The following GRHL1 variants were observed in gnomAD, a reference collection of about 807,000 sequenced individuals.
The protein encoded by GRHL1 is grainyhead like transcription factor 1.
GRHL1 carries 38 observed loss-of-function variants against 75.7 expected under a neutral mutation model. The ratio of observed to expected loss-of-function variants is 0.50; its 90% CI spans 0.39 to 0.66. GRHL1 has a LOEUF of 0.66. Ranked by LOEUF, GRHL1 falls within the 30% of genes least tolerant of loss-of-function variation. GRHL1 has a pLI of 0.00. For missense variants in GRHL1, 589 were observed against 767.5 expected, an observed-to-expected ratio of 0.77 and a Z score of 2.75; for synonymous variants, 266 against 279.4, an observed-to-expected ratio of 0.95 and a Z score of 0.48.
At chr2:9,959,697 G>GT (rs1192690612) in intron 3 of GRHL1, 1 of 152,178 alleles carries the variant, frequency 6.6e-6, no homozygotes, top group African/African-American at 2.4e-5. Flanking sequence ...AGCCTCAACA[G>GT]TTATCAACAC....
In GRHL1 at chr2:9,981,637, G is replaced by C. The variant is rs183234608; in HGVS notation, c.1111-4487G>C. Reference sequence around the variant, plus strand: ...CCTACGGATGTGAAAATAATGTCGGGCCCTTTACAGAAAAATAGTCGCTTC... The same window carrying C: ...CCTACGGATGTGAAAATAATGTCGGCCCCTTTACAGAAAAATAGTCGCTTC... On this transcript the variant is annotated intron_variant, in intron 8 of 15. Transcript: ENST00000324907. 3.2e-4 allele frequency among the ~76,000 whole-genome samples: 48 copies of C among 152,300 alleles called. No homozygotes were observed. The East Asian group carries it at 8.1e-3, about 26-fold the overall frequency.
In GRHL1 at chr2:9,961,148, C is replaced by A. The variant is rs1667251035; in HGVS notation, c.381C>A (p.Gly127=). Residue 127 remains glycine, a synonymous_variant, in exon 4 of 16, where the codon GGC becomes GGA. Transcript: ENST00000324907. ...CATTTAACATTGTCCTTCCCCATGG[C>A]AACCAGCTGGGCATTGATAAGAGAG... ...NVPFNIVLPH[G]NQLGIDKRGH... 6.2e-7 allele frequency: 1 copy of A among 1,612,902 alleles called. No homozygotes were observed. Among genetic ancestry groups the A allele is most frequent in the African/African-American group, 1.3e-5 (1 of 75,016 alleles).
In GRHL1 at chr2:9,995,958, G is replaced by C; in HGVS notation, c.1579G>C (p.Glu527Gln). Residue 527 changes from glutamate (E) to glutamine (Q), a missense_variant, in exon 13 of 16, where the codon GAA becomes CAA. Coordinates refer to ENST00000324907, the MANE Select transcript of GRHL1 (RefSeq NM_198182.3). Reference sequence around the variant, plus strand: ...TTCTACCAAGCTGGCCCGGATAGAAGAACCAAAGAGAGGTGTGTTCGTTTC... The same window carrying C: ...TTCTACCAAGCTGGCCCGGATAGAACAACCAAAGAGAGGTGTGTTCGTTTC... ...PPSTKLARIE[E>Q]PKRVLLYVRK... is the part of the protein sequence containing the mutation. 6.3e-7 allele frequency: 1 copy of C among 1,597,252 alleles called. No individual in the cohort carries two copies. The highest frequency in any genetic ancestry group is 1.1e-5 in the South Asian group (1 of 90,712).
At chr2:10,000,263 G>A (rs1463065386) in intron 15 of GRHL1, among the ~76,000 whole-genome samples, 1 of 152,166 alleles carries the variant, frequency 6.6e-6, no homozygotes, top group Non-Finnish European at 1.5e-5. Context: ...TGGCATCACA[G>A]GTATGAGCCA....
At chr2:10,000,360 A>G (rs552274869) in intron 15 of GRHL1, among the ~76,000 whole-genome samples, 2 of 152,348 alleles carry the variant, frequency 1.3e-5, no homozygotes, top group East Asian at 3.8e-4. Flanking sequence ...TCCAAATGCT[A>G]TGATATAAAT....
chr2:9,978,665 T>C (rs537213941), intron 8 of GRHL1, among the ~76,000 whole-genome samples: 2 of 152,288 alleles, frequency 1.3e-5, no homozygotes, highest in Admixed American at 6.5e-5. Context: ...TCTTATGAAC[T>C]TACTCTATTT....
At chr2:9,958,174 CTTTTTTTT>C (rs61051898) in intron 2 of GRHL1, among the ~76,000 whole-genome samples, 3 of 130,762 alleles carry the variant, frequency 2.3e-5, no homozygotes, top group Non-Finnish European at 3.3e-5. Flanking sequence ...TTCTTTTTTT[CTTTTTTTT>C]TTTTTTTTTG....
At chr2:9,972,810 C>G (rs1162567689) in intron 8 of GRHL1, among the ~76,000 whole-genome samples, 3 of 152,212 alleles carry the variant, frequency 2.0e-5, no homozygotes, top group Non-Finnish European at 2.9e-5. Context: ...CTTAGGTTCA[C>G]CAGCTCCTGC....
In GRHL1 at chr2:10,001,043, A is replaced by ATC; in HGVS notation, c.*340_*341dup. 5.9e-6 allele frequency: 1 copy of ATC among 170,420 alleles called. No individual in the cohort carries two copies. The highest frequency in any genetic ancestry group is 1.6e-4 in the East Asian group (1 of 6,286). 10.6% of individuals were successfully genotyped at this position (170,420 alleles called of 1,614,324 possible). ...CTACGTTATTTATCAAAATATTGGG[A>ATC]TCTCTGCCTTGTGCCTACAGTGTCG... On this transcript the variant is annotated 3_prime_UTR_variant, in exon 16 of 16. Transcript: ENST00000324907.
chr2:9,953,023 C>A, intron 1 of GRHL1: 1 of 456,774 alleles, frequency 2.2e-6, no homozygotes, highest in Non-Finnish European at 4.4e-6. Flanking sequence ...AGCCTACTTC[C>A]TGACTGTCAT....
chr2:9,983,090 G>T (rs1254578920), intron 8 of GRHL1, among the ~76,000 whole-genome samples: 2 of 152,100 alleles, frequency 1.3e-5, no homozygotes, highest in Non-Finnish European at 2.9e-5. Flanking sequence ...AACCCGGCAC[G>T]TATGTCCCCT....
chr2:9,998,003 A>G (rs1191558704), intron 14 of GRHL1, among the ~76,000 whole-genome samples: 3 of 152,130 alleles, frequency 2.0e-5, no homozygotes, highest in Non-Finnish European at 2.9e-5. Flanking sequence ...TACAGAAAAG[A>G]AAAAGGGTTT....
chr2:9,975,786 T>C (rs1446658294), intron 8 of GRHL1, among the ~76,000 whole-genome samples: 1 of 151,778 alleles, frequency 6.6e-6, no homozygotes, highest in African/African-American at 2.4e-5. Context: ...CTTGGGAGAC[T>C]GAGGCAGGAA....
At chr2:9,972,531 G>A (rs1375044519) in intron 8 of GRHL1, among the ~76,000 whole-genome samples, 4 of 152,032 alleles carry the variant, frequency 2.6e-5, no homozygotes. Context: ...CAATCCTTTA[G>A]TAAATACAGG....
intron 2 of GRHL1, among the ~76,000 whole-genome samples, 165 bp downstream of exon 2, chr2:9,955,266 CTG>C (rs1308742261): frequency 1.3e-5 from 2 of 152,214 alleles, no homozygotes; most frequent in African/African-American, 4.8e-5. Flanking sequence ...AGCTAAAAAT[CTG>C]TGATTGTAGA....
chr2:9,969,423 C>T (rs546985161), intron 8 of GRHL1, among the ~76,000 whole-genome samples: 19 of 152,248 alleles, frequency 1.2e-4, no homozygotes, highest in African/African-American at 4.6e-4. Flanking sequence ...AACTCTAGAC[C>T]TTGAAATGGA....
chr2:9,959,846 T>C (rs1667192878), intron 3 of GRHL1: 1 of 152,244 alleles, frequency 6.6e-6, no homozygotes, highest in African/African-American at 2.4e-5. Context: ...TAGTTTTCAC[T>C]ATTAAGAAGT....
intron 8 of GRHL1, among the ~76,000 whole-genome samples, chr2:9,971,733 G>A (rs987149160): frequency 2.0e-5 from 3 of 152,178 alleles, no homozygotes; most frequent in Non-Finnish European, 4.4e-5. Context: ...TAGCTTGACC[G>A]GTATTGGAAA....
Position 10,001,765 on chromosome 2 carries a change from G to A in GRHL1, c.*1058G>A, listed in dbSNP as rs1558324614. On this transcript the variant is annotated 3_prime_UTR_variant, in exon 16 of 16. Transcript: ENST00000324907. Reference sequence around the variant, plus strand: ...ATCAGTCAGATGCACTTAGAGTGAAGAAACACTGTAATTACAGCACACAGA... The same window carrying A: ...ATCAGTCAGATGCACTTAGAGTGAAAAAACACTGTAATTACAGCACACAGA... The A allele has an allele frequency of 6.6e-6, 1 of 152,254 alleles. No homozygotes were observed. Among genetic ancestry groups the A allele is most frequent in the Non-Finnish European group, 1.5e-5 (1 of 68,042 alleles). The allele number at this position is 152,254 out of a possible 1,614,324, so 9.4% of individuals were successfully genotyped here.
Sources: gnomAD v4.1 joint callset for allele counts (sites outside exome capture counted in the v4.1 genomes callset) on GRCh38, gnomAD v4.1.1 for gene constraint, MANE v1.5 for transcripts, NCBI Gene and HGNC (gene_info 2026-07-23, HGNC 2026-07-21) for gene names.